Variants in KCNQ5 observed in about 807,000 individuals in gnomAD.
KCNQ5 encodes potassium voltage-gated channel subfamily Q member 5.
Under a neutral mutation model 98.2 loss-of-function variants are expected in KCNQ5, and 30 were observed. That is an observed-to-expected ratio of 0.31 (90% confidence interval 0.23 to 0.41). The LOEUF (loss-of-function observed/expected upper bound fraction) is 0.41, where lower values mean the gene tolerates loss of function less well. KCNQ5 is among the 10% of genes least tolerant of loss of function. The pLI, the probability that KCNQ5 is intolerant of heterozygous loss-of-function variation, is 1.00. For missense variants in KCNQ5, 835 were observed against 1,182.5 expected, an observed-to-expected ratio of 0.71 and a Z score of 4.31; for synonymous variants, 458 against 449.4, an observed-to-expected ratio of 1.02 and a Z score of -0.24.
At chr6:73,078,159 A>T (rs1056357020) in intron 5 of KCNQ5, among the ~76,000 whole-genome samples, 4 of 151,326 alleles carry the variant, frequency 2.6e-5, no homozygotes, top group Admixed American at 2.0e-4. Context: ...TATCATTTTT[A>T]AAATGGTGAT....
chr6:73,043,809 C>T (rs2150359103), intron 3 of KCNQ5, among the ~76,000 whole-genome samples: 1 of 152,276 alleles, frequency 6.6e-6, no homozygotes, highest in Middle Eastern at 3.4e-3. Context: ...AGCTTTTTCC[C>T]AGATGTCTGC....
Position 73,042,057 on chromosome 6 carries a change from T to C in KCNQ5, c.611T>C (p.Val204Ala), listed in dbSNP as rs577780869. Reference protein sequence around the residue: ...RLRFARKPFCVIDTIVLIASI... With the variant: ...RLRFARKPFCAIDTIVLIASI... Reference sequence around the variant, plus strand: ...AGGTTTGCTCGAAAGCCCTTCTGTGTTATAGGTGAATATCAGAGTCTCAGA... The same window carrying C: ...AGGTTTGCTCGAAAGCCCTTCTGTGCTATAGGTGAATATCAGAGTCTCAGA... Residue 204 changes from valine (V) to alanine (A), a missense_variant, in exon 3 of 14, where the codon GTT becomes GCT. Val to Ala is a moderately conservative substitution (Grantham distance 64). Transcript: ENST00000370398. The C allele has an allele frequency of 2.5e-6, 4 of 1,613,846 alleles. No homozygotes were observed. In the African/African-American group the frequency reaches 4.0e-5, roughly 16 times the overall value.
At chr6:73,131,688 A>AG (rs1309693793) in intron 9 of KCNQ5, among the ~76,000 whole-genome samples, 3 of 152,158 alleles carry the variant, frequency 2.0e-5, no homozygotes, top group African/African-American at 7.2e-5. Flanking sequence ...TTGGGATGAC[A>AG]TGGAAAACCT....
intron 1 of KCNQ5, among the ~76,000 whole-genome samples, chr6:72,704,956 C>T (rs1768997879): frequency 1.3e-5 from 2 of 152,146 alleles, no homozygotes; most frequent in South Asian, 4.1e-4. Context: ...ATAGCTTAGC[C>T]CACCTTTCAA....
chr6:73,058,311 C>G (rs959359911), intron 3 of KCNQ5, among the ~76,000 whole-genome samples: 1 of 152,116 alleles, frequency 6.6e-6, no homozygotes, highest in Non-Finnish European at 1.5e-5. Context: ...ACTCGGGAGG[C>G]TGAGGCAGGA....
chr6:73,109,324 C>T (rs1042882167), intron 6 of KCNQ5, among the ~76,000 whole-genome samples: 1 of 152,144 alleles, frequency 6.6e-6, no homozygotes, highest in Non-Finnish European at 1.5e-5. Context: ...ACCTCACATC[C>T]ACATCATAAG....
At chr6:73,079,076 C>A (rs1304867449) in intron 5 of KCNQ5, among the ~76,000 whole-genome samples, 1 of 152,032 alleles carries the variant, frequency 6.6e-6, no homozygotes, top group Non-Finnish European at 1.5e-5. Flanking sequence ...CTAAGGCGGG[C>A]CAGTTGCTTG....
At chr6:72,696,633 A>G (rs1768518334) in intron 1 of KCNQ5, among the ~76,000 whole-genome samples, 1 of 152,216 alleles carries the variant, frequency 6.6e-6, no homozygotes, top group Admixed American at 6.5e-5. Flanking sequence ...TCCATAAATT[A>G]GTGTTATTTA....
chr6:72,858,605 A>C (rs1350055194), intron 1 of KCNQ5, among the ~76,000 whole-genome samples: 1 of 151,300 alleles, frequency 6.6e-6, no homozygotes, highest in African/African-American at 2.4e-5. Flanking sequence ...AGTTTAGTAC[A>C]TTTTTTCTTT....
intron 1 of KCNQ5, among the ~76,000 whole-genome samples, chr6:72,693,279 A>G (rs1383849282): frequency 6.6e-6 from 1 of 152,204 alleles, no homozygotes; most frequent in Non-Finnish European, 1.5e-5. Context: ...TTAGAGAGTT[A>G]GAAGATAATC....
At chr6:72,952,172 C>T (rs1254877243) in intron 1 of KCNQ5, among the ~76,000 whole-genome samples, 2 of 152,200 alleles carry the variant, frequency 1.3e-5, no homozygotes, top group African/African-American at 2.4e-5. Context: ...TGATGTGTCA[C>T]ACAACAGAGC....
chr6:72,839,599 T>C (rs902454271), intron 1 of KCNQ5, among the ~76,000 whole-genome samples: 11 of 151,686 alleles, frequency 7.3e-5, no homozygotes, highest in Non-Finnish European at 1.6e-4. Flanking sequence ...GTGAACCATC[T>C]CCCCTGCAGT....
chr6:73,121,058 C>T (rs559192945), intron 8 of KCNQ5, among the ~76,000 whole-genome samples: 5 of 152,218 alleles, frequency 3.3e-5, no homozygotes, highest in African/African-American at 1.2e-4. Context: ...ATCAAACTCA[C>T]ATCAGTGGCA....
intron 1 of KCNQ5, among the ~76,000 whole-genome samples, chr6:72,787,539 TA>T (rs11454848): frequency 0.056 from 8,127 of 146,102 alleles, 245 homozygotes; most frequent in South Asian, 0.11. Flanking sequence ...TATCAGTATT[TA>T]AAAAAAAAAA....
chr6:73,059,705 T>G (rs926843670), intron 3 of KCNQ5, among the ~76,000 whole-genome samples: 3 of 152,120 alleles, frequency 2.0e-5, no homozygotes, highest in African/African-American at 4.8e-5. Flanking sequence ...CTATGAAAAT[T>G]TTTTTAACAA....
At chr6:72,974,826 G>A (rs371891119) in intron 1 of KCNQ5, among the ~76,000 whole-genome samples, 3 of 151,294 alleles carry the variant, frequency 2.0e-5, no homozygotes, top group South Asian at 2.1e-4. Context: ...TGCAACCTCC[G>A]CCTCCCGGGT....
chr6:72,701,204 A>G (rs1313120300), intron 1 of KCNQ5, among the ~76,000 whole-genome samples: 1 of 152,230 alleles, frequency 6.6e-6, no homozygotes, highest in Admixed American at 6.5e-5. Flanking sequence ...AGGATGTTTA[A>G]TTAAAGCTTC....
intron 1 of KCNQ5, among the ~76,000 whole-genome samples, chr6:72,919,923 C>T (rs1271511517): frequency 6.6e-6 from 1 of 152,152 alleles, no homozygotes; most frequent in African/African-American, 2.4e-5. Flanking sequence ...AGCCTAAGCC[C>T]AGCAGTTGTC....
chr6:73,093,620 A>C (rs1424416939), intron 5 of KCNQ5, among the ~76,000 whole-genome samples: 1 of 152,090 alleles, frequency 6.6e-6, no homozygotes, highest in East Asian at 1.9e-4. Flanking sequence ...GTTGCCATTC[A>C]ATTCAAAGAA....
Sources: allele counts gnomAD v4.1 joint callset (sites outside exome capture counted in the v4.1 genomes callset), GRCh38; gene constraint gnomAD v4.1.1; transcripts MANE v1.5; gene names NCBI Gene and HGNC (gene_info 2026-07-23, HGNC 2026-07-21).